NPEPPS: variants seen among roughly 807,000 people sequenced by gnomAD.
NPEPPS encodes the protein puromycin-sensitive aminopeptidase.
NPEPPS carries 14 observed loss-of-function variants against 115.5 expected under a neutral mutation model. That is an observed-to-expected ratio of 0.12 (90% confidence interval 0.08 to 0.19). NPEPPS has a LOEUF of 0.19. Among genes scored for constraint, NPEPPS ranks in the 10% least tolerant of loss-of-function variants. The pLI is 1.00. For synonymous variants in NPEPPS, 285 were observed against 390.6 expected (o/e 0.73, Z 3.19); for missense variants, 523 against 1,110.8 (o/e 0.47, Z 7.52).
chr17:47,577,571 T>G (rs554361870), intron 3 of NPEPPS, among the ~76,000 whole-genome samples: 16 of 152,318 alleles, frequency 1.1e-4, no homozygotes, highest in Non-Finnish European at 2.2e-4. Flanking sequence ...AACCTGTCAT[T>G]CTCTTTAAAG....
At chr17:47,619,487 G>C (rs1460474577) in intron 21 of NPEPPS, 1 of 526,050 alleles carries the variant, frequency 1.9e-6, no homozygotes, top group African/African-American at 1.9e-5. Context: ...CTGGGAGGCA[G>C]AGGTTGTGGT....
At chr17:47,553,940 C>T (rs558256124) in intron 2 of NPEPPS, among the ~76,000 whole-genome samples, 3 of 150,862 alleles carry the variant, frequency 2.0e-5, no homozygotes, top group South Asian at 4.2e-4. Context: ...TTAGTAGAGA[C>T]GGGGTTTCAT....
chr17:47,536,644 C>T (rs1342697514), intron 1 of NPEPPS, among the ~76,000 whole-genome samples: 2 of 151,340 alleles, frequency 1.3e-5, no homozygotes, highest in Non-Finnish European at 2.9e-5. Context: ...ATCCACCCAC[C>T]TCAGCCTCCC....
intron 1 of NPEPPS, among the ~76,000 whole-genome samples, chr17:47,536,924 G>A (rs1345310606): frequency 2.0e-5 from 3 of 151,248 alleles, no homozygotes; most frequent in Non-Finnish European, 4.4e-5. Flanking sequence ...TGTTGGCTAG[G>A]CTGGTCTCAA....
intron 3 of NPEPPS, among the ~76,000 whole-genome samples, chr17:47,576,818 G>A (rs141415719): frequency 0.012 from 1,829 of 152,274 alleles, 24 homozygotes; most frequent in Middle Eastern, 0.02. Flanking sequence ...TGTAAATTAT[G>A]TGTGTTGATA....
intron 22 of NPEPPS, chr17:47,620,045 C>T: frequency 3.1e-6 from 1 of 326,518 alleles, no homozygotes; most frequent in Non-Finnish European, 5.8e-6. Context: ...CCAGCCCGGG[C>T]AACATGGTGA....
At chr17:47,607,564 CTTGAT>C (rs1469124239) in intron 17 of NPEPPS, among the ~76,000 whole-genome samples, 1 of 152,116 alleles carries the variant, frequency 6.6e-6, no homozygotes, top group African/African-American at 2.4e-5. Flanking sequence ...GGCAGGGGAA[CTTGAT>C]TTGATTTACT....
intron 17 of NPEPPS, among the ~76,000 whole-genome samples, chr17:47,607,529 A>G (rs1238969030): frequency 6.6e-6 from 1 of 152,216 alleles, no homozygotes; most frequent in African/African-American, 2.4e-5. Context: ...ATTTAGTGAT[A>G]TGACATGCTA....
intron 2 of NPEPPS, among the ~76,000 whole-genome samples, chr17:47,554,064 G>C (rs774890629): frequency 1.3e-5 from 2 of 149,508 alleles, no homozygotes; most frequent in Admixed American, 6.7e-5. Context: ...TTTTGAGATG[G>C]AGTTTCACTC....
At position 47,622,902 on chromosome 17, in the gene NPEPPS, T is replaced by G; in HGVS notation, c.*982T>G. ...CAACACTGGCTTCTCCCGGTTCATT[T>G]TATGCGTGCGAGAAGTCAGTGGTAA... On this transcript the variant is annotated 3_prime_UTR_variant, in exon 23 of 23. Coordinates refer to ENST00000322157, the MANE Select transcript of NPEPPS (RefSeq NM_006310.4). 1 of 456,030 alleles carries G rather than the reference T, an allele frequency of 2.2e-6. No individual in the cohort carries two copies. The highest frequency in any genetic ancestry group is 1.5e-5 in the South Asian group (1 of 64,558). 28.2% of individuals were successfully genotyped at this position (456,030 alleles called of 1,614,324 possible).
At chr17:47,577,548 A>T (rs973492878) in intron 3 of NPEPPS, among the ~76,000 whole-genome samples, 21 of 152,206 alleles carry the variant, frequency 1.4e-4, no homozygotes, top group African/African-American at 5.1e-4. Flanking sequence ...ATATTCATAT[A>T]TACTGTCCCA....
chr17:47,526,856 G>A (rs1907455779), upstream of NPEPPS, among the ~76,000 whole-genome samples: 3 of 152,208 alleles, frequency 2.0e-5, no homozygotes, highest in East Asian at 3.9e-4. Flanking sequence ...TACTCGCGAG[G>A]CTGAGGAAGG....
At chr17:47,568,249 C>T (rs1274367229) in intron 2 of NPEPPS, among the ~76,000 whole-genome samples, 11 of 151,866 alleles carry the variant, frequency 7.2e-5, no homozygotes, top group Admixed American at 5.3e-4. Flanking sequence ...CTGCAACCTC[C>T]GCCTCCTGAG....
At chr17:47,547,699 A>G (rs981047913) in intron 2 of NPEPPS, among the ~76,000 whole-genome samples, 1 of 151,996 alleles carries the variant, frequency 6.6e-6, no homozygotes, top group Non-Finnish European at 1.5e-5. Context: ...CCTTGTCAAA[A>G]TGGTTATTGG....
rs545462636 is a variant in NPEPPS at position 47,590,785 on chromosome 17, C to T, written c.1164C>T (p.His388=). The T allele has an allele frequency of 1.2e-5, 19 of 1,605,840 alleles. No individual in the cohort carries two copies. The Admixed American group carries it at 1.4e-4, about 12-fold the overall frequency. ...ASWIEYLCVD[H]CFPEYDIWTQ... Reference sequence around the variant, plus strand: ...GGATTGAATATCTGTGTGTAGACCACTGCTTCCCAGAGTATGATATTTGGA... The same window carrying T: ...GGATTGAATATCTGTGTGTAGACCATTGCTTCCCAGAGTATGATATTTGGA... The change falls in exon 10 of 23, where the codon CAC becomes CAT. Residue 388 remains histidine, a synonymous_variant. Transcript: ENST00000322157.
At chr17:47,616,574 C>T (rs1914214505) in intron 19 of NPEPPS, among the ~76,000 whole-genome samples, 1 of 151,682 alleles carries the variant, frequency 6.6e-6, no homozygotes, top group South Asian at 2.1e-4. Flanking sequence ...GTCCCAGCTA[C>T]TCAGGAGGCT....
At chr17:47,576,752 AACATAAATATTTCAT>A (rs1911547322) in intron 3 of NPEPPS, among the ~76,000 whole-genome samples, 1 of 152,182 alleles carries the variant, frequency 6.6e-6, no homozygotes, top group Non-Finnish European at 1.5e-5. Context: ...TACAACCCCA[AACATAAATATTTCAT>A]ACATTGGATA....
intron 1 of NPEPPS, among the ~76,000 whole-genome samples, chr17:47,534,788 C>T (rs1412766803): frequency 1.1e-4 from 17 of 151,298 alleles, no homozygotes; most frequent in Non-Finnish European, 1.9e-4. Flanking sequence ...AGGCTGGTCT[C>T]GAACTCCTGA....
rs140508279 is a variant in NPEPPS, at chr17:47,573,055, C to T, written c.418+3561C>T. Among the ~76,000 whole-genome samples the T allele has an allele frequency of 2.5e-3, 380 of 152,254 alleles. 1 individual carries two copies. The highest frequency in any genetic ancestry group is 8.6e-3 in the African/African-American group (357 of 41,552). ...CCTCTCAAAGTGCTAGGATTACAGG[C>T]GTGTGCCACTGTGCCCGGCCAGAAG... On this transcript the variant is annotated intron_variant, in intron 3 of 22. Transcript: ENST00000322157.
Sources: allele counts gnomAD v4.1 joint callset (sites outside exome capture counted in the v4.1 genomes callset), GRCh38; gene constraint gnomAD v4.1.1; transcripts MANE v1.5; gene names NCBI Gene and HGNC (gene_info 2026-07-23, HGNC 2026-07-21).